SPTB: variants seen among roughly 807,000 people sequenced by gnomAD.
The protein encoded by SPTB is spectrin beta, erythrocytic, also known as spectrin beta chain, erythrocytic.
A neutral mutation model predicts 256.2 loss-of-function variants in SPTB; 45 were observed. The ratio of observed to expected loss-of-function variants is 0.18; its 90% CI spans 0.14 to 0.23. The LOEUF (loss-of-function observed/expected upper bound fraction) is 0.23. Among genes scored for constraint, SPTB ranks in the 10% least tolerant of loss-of-function variants. The pLI is 1.00. For synonymous variants in SPTB, 1,231 were observed against 1,243.1 expected (o/e 0.99, Z 0.21); for missense variants, 2,715 against 3,040.4 (o/e 0.89, Z 2.52).
intron 1 of SPTB, among the ~76,000 whole-genome samples, chr14:64,851,262 C>T (rs975296981): frequency 9.2e-5 from 14 of 152,320 alleles, no homozygotes; most frequent in African/African-American, 2.9e-4. Context: ...GTTCAAATTC[C>T]AGCTCTGCCA....
Position 64,794,371 on chromosome 14 carries a change from A to G in SPTB, c.1795+96T>C, listed in dbSNP as rs992085790. ...CTTGATGAAAGTAACAGAACTTTAAAGTTGGTTCCAGGAGATTTATCCAAG... is the reference window on the plus strand; with the variant it reads ...CTTGATGAAAGTAACAGAACTTTAAGGTTGGTTCCAGGAGATTTATCCAAG... On this transcript the variant is annotated intron_variant, in intron 13 of 35. Transcript: ENST00000644917. 1.1e-5 allele frequency: 16 copies of G among 1,500,352 alleles called. No individual in the cohort carries two copies. The African/African-American group carries it at 1.5e-4, about 14-fold the overall frequency. The allele number at this position is 1,500,352 out of a possible 1,614,324, so 92.9% of individuals were successfully genotyped here.
At chr14:64,767,402 T>G (rs994939827) in intron 30 of SPTB, 50 bp from the exon 31 acceptor site, 1 of 1,611,506 alleles carries the variant, frequency 6.2e-7, no homozygotes, top group African/African-American at 1.3e-5. Context: ...AGGCGAGTTG[T>G]GTTCTCAGAC....
At chr14:64,869,403 A>G (rs1370610832) in intron 1 of SPTB, among the ~76,000 whole-genome samples, 1 of 152,120 alleles carries the variant, frequency 6.6e-6, no homozygotes, top group Non-Finnish European at 1.5e-5. Flanking sequence ...TAACCAACTG[A>G]GCTAACTGGC....
intron 15 of SPTB, among the ~76,000 whole-genome samples, chr14:64,789,438 A>G (rs1385599148): frequency 6.6e-6 from 1 of 152,160 alleles, no homozygotes; most frequent in Non-Finnish European, 1.5e-5. Context: ...CAAGTCTATA[A>G]TCCATCAAGT....
In SPTB at chr14:64,824,369, G is replaced by A. The variant is rs1402522983; in HGVS notation, c.-51-1224C>T. On this transcript the variant is annotated intron_variant, in intron 1 of 35. Transcript: ENST00000644917. This position sits in a 1 kb window ranked among gnomAD's most constrained non-coding sequence, Gnocchi z 5.7. ...CAGAAAGCTTTGAGAACTTTAAGAAGTAACGGGAAGGCAGGGGTGGAGTCA... is the reference window on the plus strand; with the variant it reads ...CAGAAAGCTTTGAGAACTTTAAGAAATAACGGGAAGGCAGGGGTGGAGTCA... Among the ~76,000 whole-genome samples the A allele has an allele frequency of 6.6e-6, 1 of 152,198 alleles. No individual in the cohort carries two copies. Among genetic ancestry groups the A allele is most frequent in the Non-Finnish European group, 1.5e-5 (1 of 68,022 alleles).
rs537483974 is a variant in SPTB at position 64,801,272 on chromosome 14, G to A, written c.763+13C>T. On this transcript the variant is annotated intron_variant, in intron 7 of 35. Coordinates refer to ENST00000644917, the MANE Select transcript of SPTB (RefSeq NM_001355436.2). ...TGCTGCAGCAAAGGCTGGCAGGGGT[G>A]GGTGTGGCTCACCTTCGGGGTCGAG... The A allele has an allele frequency of 1.9e-6, 3 of 1,603,464 alleles. No homozygotes were observed. The highest frequency in any genetic ancestry group is 2.7e-5 in the African/African-American group (2 of 74,868).
intron 19 of SPTB, among the ~76,000 whole-genome samples, 174 bp from the exon 20 acceptor site, chr14:64,782,727 G>A (rs1204119117): frequency 2.0e-5 from 3 of 151,558 alleles, no homozygotes; most frequent in Admixed American, 2.0e-4. Context: ...ATTAGCAGGG[G>A]TGTCCAAACT....
In SPTB at chr14:64,793,684, T is replaced by G. The variant is rs375659876; in HGVS notation, c.1979A>C (p.Tyr660Ser). 4.0e-5 allele frequency: 65 copies of G among 1,614,030 alleles called. No individual in the cohort carries two copies. Among genetic ancestry groups the G allele is most frequent in the Non-Finnish European group, 5.5e-5 (65 of 1,180,050 alleles). ...GTCTTTGCCATAGTCCAGGGAAGAA[T>G]AGATCTGCTCCTTCTCCTTGATCCA... ...ESWIKEKEQI[Y>S]SSLDYGKDLT... The change falls in exon 14 of 36, where the codon TAT (tyrosine) becomes TCT (serine). Residue 660 changes from tyrosine to serine, a missense_variant. This residue lies in a region of SPTB where 2,239 missense variants were observed against 2,384.4 expected (regional missense o/e 0.94). Coordinates refer to ENST00000644917, the MANE Select transcript of SPTB (RefSeq NM_001355436.2). This position sits in a 1 kb window ranked among gnomAD's most constrained non-coding sequence, Gnocchi z 7.0.
chr14:64,820,667 A>C (rs1329657217), intron 2 of SPTB, among the ~76,000 whole-genome samples: 2 of 152,080 alleles, frequency 1.3e-5, no homozygotes, highest in Non-Finnish European at 2.9e-5. Flanking sequence ...CTCTTTCCTG[A>C]TCAACCTAGG....
intron 31 of SPTB, 103 bp from the exon 32 acceptor site, chr14:64,766,904 A>C: frequency 5.1e-6 from 7 of 1,382,328 alleles, no homozygotes; most frequent in Non-Finnish European, 7.1e-6. Context: ...GGAGCACCAA[A>C]TAGCTCCCCC....
chr14:64,793,408 G>C lies in SPTB; in HGVS notation c.2255C>G (p.Ala752Gly), dbSNP rs151164761. The C allele has an allele frequency of 1.9e-6, 3 of 1,613,392 alleles. No homozygotes were observed. Among genetic ancestry groups the C allele is most frequent in the Non-Finnish European group, 2.5e-6 (3 of 1,180,024 alleles). The change falls in exon 14 of 36, where the codon GCG becomes GGG. Residue 752 changes from alanine (A) to glycine (G), a missense_variant. Ala to Gly is a moderately conservative substitution (Grantham distance 60). Coordinates refer to ENST00000644917, the MANE Select transcript of SPTB (RefSeq NM_001355436.2). The surrounding 1 kb of genome is among the most constrained non-coding windows in gnomAD (Gnocchi z 7.0). ...TTGCAGCCAAGCCTTCAGGTCATCC[G>C]CATCGCCCTGGAACTGGAAAAAGTT... is the stretch of plus-strand genomic sequence containing the variant. ...AENFFQFQGD[A>G]DDLKAWLQDA... is the part of the protein sequence containing the mutation.
intron 1 of SPTB, among the ~76,000 whole-genome samples, chr14:64,854,211 C>CA (rs770976921): frequency 4.8e-5 from 7 of 144,574 alleles, no homozygotes; most frequent in East Asian, 2.0e-4. Flanking sequence ...CAAAACAAAA[C>CA]AAACAAACAA....
intron 1 of SPTB, among the ~76,000 whole-genome samples, chr14:64,870,537 C>T (rs1882468201): frequency 1.3e-5 from 2 of 152,198 alleles, no homozygotes; most frequent in Non-Finnish European, 2.9e-5. Flanking sequence ...AGTCTACAAT[C>T]TAAAAACAGG....
intron 1 of SPTB, among the ~76,000 whole-genome samples, chr14:64,860,355 GCCCCA>G (rs1297637119): frequency 6.6e-6 from 1 of 152,258 alleles, no homozygotes; most frequent in East Asian, 1.9e-4. Flanking sequence ...ACATCCTGGT[GCCCCA>G]GAATGGGGCA....
At chr14:64,843,797 G>A (rs1336885924) in intron 1 of SPTB, among the ~76,000 whole-genome samples, 3 of 152,110 alleles carry the variant, frequency 2.0e-5, no homozygotes, top group Non-Finnish European at 2.9e-5. Flanking sequence ...AATAGTCACC[G>A]CCTGCTCTAA....
At chr14:64,791,565 CAAAAAAA>C (rs563905446) in intron 15 of SPTB, among the ~76,000 whole-genome samples, 147 bp downstream of exon 15, 7 of 45,848 alleles carry the variant, frequency 1.5e-4, no homozygotes, top group Middle Eastern at 0.029. Flanking sequence ...GGTTCTGTGT[CAAAAAAA>C]AAAAAAAAAA....
chr14:64,827,874 G>A lies in SPTB; in HGVS notation c.-51-4729C>T, dbSNP rs1451015616. Among the ~76,000 whole-genome samples the A allele has an allele frequency of 1.3e-5, 2 of 152,102 alleles. No homozygotes were observed. The highest frequency in any genetic ancestry group is 4.8e-5 in the African/African-American group (2 of 41,400). On this transcript the variant is annotated intron_variant, in intron 1 of 35. Coordinates refer to ENST00000644917, the MANE Select transcript of SPTB (RefSeq NM_001355436.2). The surrounding 1 kb of genome is among the most constrained non-coding windows in gnomAD (Gnocchi z 4.6). ...GGGGCTACCAGGACAGCAGAACCAG[G>A]GAGTTTCAGTACCATGGGGTAACGA...
Position 64,773,346 on chromosome 14 carries a change from G to A in SPTB, c.5052C>T (p.Arg1684=), listed in dbSNP as rs229593. 3.2e-4 allele frequency: 523 copies of A among 1,614,166 alleles called. No homozygotes were observed. The African/African-American group carries it at 6.5e-3, about 20-fold the overall frequency. ...GLKDVAEERK[R]KLENMYHLFQ... ...ACAGGTGGTACATGTTCTCCAGCTTGCGCTTGCGCTCTTCCGCCACGTCCT... is the reference window on the plus strand; with the variant it reads ...ACAGGTGGTACATGTTCTCCAGCTTACGCTTGCGCTCTTCCGCCACGTCCT... Residue 1684 remains arginine, a synonymous_variant, in exon 25 of 36, where the codon CGC becomes CGT. Coordinates refer to ENST00000644917, the MANE Select transcript of SPTB (RefSeq NM_001355436.2).
rs1438074147 is a variant in SPTB, at chr14:64,825,348, C to T, written c.-51-2203G>A. 6.6e-6 allele frequency among the ~76,000 whole-genome samples: 1 copy of T among 152,192 alleles called. No individual in the cohort carries two copies. The highest frequency in any genetic ancestry group is 1.5e-5 in the Non-Finnish European group (1 of 68,028). On this transcript the variant is annotated intron_variant, in intron 1 of 35. Transcript: ENST00000644917. This position sits in a 1 kb window ranked among gnomAD's most constrained non-coding sequence, Gnocchi z 4.8. The stretch of plus-strand genomic sequence containing the variant: ...ACCTGTGCCCAAGACCACCCTTGTG[C>T]CTTTGAACAGCCTGTCCTCTTCTGC...
Sources: gnomAD v4.1 joint callset for allele counts (sites outside exome capture counted in the v4.1 genomes callset) on GRCh38, gnomAD v4.1.1 for gene constraint, gnomAD v4.1.1 regional missense constraint, Gnocchi (gnomAD v3.1) non-coding constraint, MANE v1.5 for transcripts, NCBI Gene and HGNC (gene_info 2026-07-23, HGNC 2026-07-21) for gene names.